The following MMP26 variants were observed in gnomAD, a reference collection of about 807,000 sequenced individuals.
The protein encoded by MMP26 is matrix metalloproteinase-26.
Under a neutral mutation model 31.0 loss-of-function variants are expected in MMP26, and 33 were observed. That is an observed-to-expected ratio of 1.06 (90% CI 0.81 to 1.42). The LOEUF (loss-of-function observed/expected upper bound fraction) is 1.42. Among genes scored for constraint, MMP26 ranks in the 40% most tolerant of loss-of-function variants. The pLI, the probability that MMP26 is intolerant of heterozygous loss-of-function variation, is 0.00. For synonymous variants in MMP26, 122 were observed against 114.9 expected (o/e 1.06, Z -0.40); for missense variants, 347 against 316.1 (o/e 1.10, Z -0.74).
In MMP26 at chr11:4,954,457, A is replaced by T. The variant is rs1298604224; in HGVS notation, c.-144-33611A>T. On this transcript the variant is annotated intron_variant, in intron 2 of 7. Transcript: ENST00000380390. ...AACCTGGTATAGAGAGACTGAATGTAGATAACGAGGAATCCAACTTCTGTC... is the reference window on the plus strand; with the variant it reads ...AACCTGGTATAGAGAGACTGAATGTTGATAACGAGGAATCCAACTTCTGTC... 1.6e-5 allele frequency among the ~76,000 whole-genome samples: 2 copies of T among 122,394 alleles called. 1 individual carries two copies. The highest frequency in any genetic ancestry group is 3.7e-5 in the Non-Finnish European group (2 of 53,970). 80.3% of individuals were successfully genotyped at this position (122,394 alleles called of 152,430 possible). A position where few individuals can be genotyped will look rare whatever the true frequency, so the allele number is the denominator to read the frequency against.
At chr11:4,806,834 T>C (rs976954781) in intron 2 of MMP26, among the ~76,000 whole-genome samples, 3 of 152,188 alleles carry the variant, frequency 2.0e-5, no homozygotes, top group Admixed American at 6.5e-5. Flanking sequence ...GGTCCACCTA[T>C]ATCTCTGTCC....
rs1226661597 is a variant in MMP26, at chr11:4,990,728, G to T, written c.451G>T (p.Val151Phe). Residue 151 changes from valine (V) to phenylalanine (F), a missense_variant, in exon 5 of 8, where the codon GTT becomes TTT. Coordinates refer to ENST00000380390, the MANE Select transcript of MMP26 (RefSeq NM_021801.5). Reference protein sequence around the residue: ...QVQNGDADIKVSFWQWAHEDG... With the variant: ...QVQNGDADIKFSFWQWAHEDG... ...GCAGAATGGAGATGCAGACATCAAG[G>T]TTTCTTTCTGGCAGTGGGGTAAGAA... The T allele has an allele frequency of 6.2e-7, 1 of 1,614,024 alleles. No individual in the cohort carries two copies. Among genetic ancestry groups the T allele is most frequent in the South Asian group, 1.1e-5 (1 of 91,084 alleles).
At chr11:4,836,985 A>G (rs1849728551) in intron 2 of MMP26, among the ~76,000 whole-genome samples, 3 of 152,140 alleles carry the variant, frequency 2.0e-5, no homozygotes, top group African/African-American at 7.2e-5. Context: ...TATGAAACAC[A>G]AAAAGTATAA....
chr11:4,711,251 C>A (rs528357876), intron 1 of MMP26: 1 of 152,086 alleles, frequency 6.6e-6, no homozygotes, highest in African/African-American at 2.4e-5. Context: ...AATACTGATA[C>A]AAATATAAAT....
At chr11:4,839,303 C>A (rs957569661) in intron 2 of MMP26, among the ~76,000 whole-genome samples, 1 of 151,956 alleles carries the variant, frequency 6.6e-6, no homozygotes, top group Non-Finnish European at 1.5e-5. Context: ...TGTTGCTGAA[C>A]TGGTCCAGAG....
chr11:4,714,918 T>TCACACACA (rs1404204139), intron 1 of MMP26, among the ~76,000 whole-genome samples: 1 of 130,274 alleles, frequency 7.7e-6, no homozygotes, highest in African/African-American at 3.2e-5. Flanking sequence ...TCTCTCTCTC[T>TCACACACA]CTCACACACA....
At chr11:4,990,794 G>T (rs1193642547) in intron 5 of MMP26, 48 bp downstream of exon 5, 2 of 1,536,162 alleles carry the variant, frequency 1.3e-6, no homozygotes, top group Admixed American at 1.9e-5. Flanking sequence ...CCTGTGTAAA[G>T]GACAAAGGGT....
At chr11:4,851,796 A>G (rs530670196) in intron 2 of MMP26, among the ~76,000 whole-genome samples, 7 of 152,254 alleles carry the variant, frequency 4.6e-5, no homozygotes, top group African/African-American at 1.7e-4. Flanking sequence ...TAGAACAATC[A>G]CTAATAAAAT....
chr11:4,759,111 C>CAAAAAAAAAAA (rs989730402), intron 1 of MMP26, among the ~76,000 whole-genome samples: 1 of 43,200 alleles, frequency 2.3e-5, no homozygotes, highest in Non-Finnish European at 4.6e-5. Context: ...CATTCCATCT[C>CAAAAAAAAAAA]AAAAAAAAAA....
intron 1 of MMP26, among the ~76,000 whole-genome samples, chr11:4,717,937 G>A (rs116244358): frequency 0.023 from 3,524 of 152,176 alleles, 151 homozygotes; most frequent in African/African-American, 0.081. Flanking sequence ...CTTTCATACT[G>A]GAGGCCCCAT....
At chr11:4,822,454 C>T in intron 2 of MMP26, 2 of 1,329,970 alleles carry the variant, frequency 1.5e-6, no homozygotes, top group Non-Finnish European at 2.0e-6. Flanking sequence ...AAAGTGCCCA[C>T]ACATGCCTCC....
At chr11:4,834,350 C>T (rs2133483239) in intron 2 of MMP26, among the ~76,000 whole-genome samples, 1 of 152,254 alleles carries the variant, frequency 6.6e-6, no homozygotes, top group East Asian at 1.9e-4. Flanking sequence ...TCCCTAGTCT[C>T]ACCTCTCACT....
intron 2 of MMP26, chr11:4,859,736 T>C (rs1293184975): frequency 1.1e-5 from 5 of 471,090 alleles, no homozygotes; most frequent in Admixed American, 2.3e-5. Flanking sequence ...GCCATGACCA[T>C]GTGCACTACT....
intron 2 of MMP26, chr11:4,769,573 T>A (rs1848684472): frequency 1.2e-6 from 2 of 1,613,084 alleles, no homozygotes; most frequent in African/African-American, 2.7e-5. Context: ...CCACCAGCAC[T>A]CCAGATTCCA....
At chr11:4,842,581 G>A (rs542582640) in intron 2 of MMP26, among the ~76,000 whole-genome samples, 3 of 152,294 alleles carry the variant, frequency 2.0e-5, no homozygotes, top group African/African-American at 7.2e-5. Flanking sequence ...CATGAGAACA[G>A]CATGATTTAA....
At chr11:4,721,184 T>C (rs189701926) in intron 1 of MMP26, among the ~76,000 whole-genome samples, 73 of 152,224 alleles carry the variant, frequency 4.8e-4, no homozygotes, top group African/African-American at 1.7e-3. Context: ...AGAAAGCCAA[T>C]AGCCACCACA....
chr11:4,880,431 G>A (rs1850443431), intron 2 of MMP26, among the ~76,000 whole-genome samples: 1 of 152,032 alleles, frequency 6.6e-6, no homozygotes, highest in Non-Finnish European at 1.5e-5. Context: ...TGAAGAAAGG[G>A]AGGGGTGTAA....
chr11:4,715,115 T>C (rs962938702), intron 1 of MMP26, among the ~76,000 whole-genome samples: 5 of 152,102 alleles, frequency 3.3e-5, no homozygotes, highest in African/African-American at 9.7e-5. Flanking sequence ...AACTCTTGGA[T>C]TGAATTCACA....
chr11:4,766,597 A>C (rs1487378545), intron 1 of MMP26, among the ~76,000 whole-genome samples: 1 of 151,998 alleles, frequency 6.6e-6, no homozygotes, highest in Admixed American at 6.6e-5. Flanking sequence ...GATTTAATTA[A>C]CTCACATCAG....
Sources: gnomAD v4.1 joint callset for allele counts (sites outside exome capture counted in the v4.1 genomes callset) on GRCh38, gnomAD v4.1.1 for gene constraint, MANE v1.5 for transcripts, NCBI Gene and HGNC (gene_info 2026-07-23, HGNC 2026-07-21) for gene names.